The following PKNOX2 variants were observed in gnomAD, a reference collection of about 807,000 sequenced individuals.
PKNOX2 encodes homeobox protein PKNOX2.
A neutral mutation model predicts 53.1 loss-of-function variants in PKNOX2; 14 were observed. The ratio of observed to expected loss-of-function variants is 0.26; its 90% CI spans 0.17 to 0.41. The LOEUF is 0.41. Ranked by LOEUF, PKNOX2 falls within the 10% of genes least tolerant of loss-of-function variation. The pLI is 1.00. For synonymous variants in PKNOX2, 257 were observed against 242.8 expected (o/e 1.06, Z -0.54); for missense variants, 496 against 602.8 (o/e 0.82, Z 1.85).
At chr11:125,279,488 T>C (rs1294833606) in intron 2 of PKNOX2, among the ~76,000 whole-genome samples, 2 of 152,188 alleles carry the variant, frequency 1.3e-5, no homozygotes, top group African/African-American at 4.8e-5. Flanking sequence ...GAGTGAGAGC[T>C]TTACCCCGGC....
At chr11:125,222,586 G>GGTGT (rs767224814) in intron 1 of PKNOX2, among the ~76,000 whole-genome samples, 3 of 142,422 alleles carry the variant, frequency 2.1e-5, no homozygotes, top group Non-Finnish European at 3.1e-5. Flanking sequence ...AGGTGCTCCT[G>GGTGT]GTGTGTGTGT....
chr11:125,236,782 C>T lies in PKNOX2; in HGVS notation c.-130+1667C>T, dbSNP rs4935914. Among the ~76,000 whole-genome samples the T allele has an allele frequency of 4.6e-5, 7 of 152,082 alleles. No homozygotes were observed. In the South Asian group the frequency reaches 6.2e-4, roughly 14 times the overall value. On this transcript the variant is annotated intron_variant, in intron 2 of 12. Coordinates refer to ENST00000298282, the MANE Select transcript of PKNOX2 (RefSeq NM_001382323.2). ...TTGGAGGGAAAGGAAGAAGAGGAGA[C>T]GGGGAGGCAGGCTCAGGGTGATAGG...
chr11:125,271,536 C>T (rs1945790874), intron 2 of PKNOX2, among the ~76,000 whole-genome samples: 1 of 152,222 alleles, frequency 6.6e-6, no homozygotes, highest in South Asian at 2.1e-4. Context: ...TTCATTTGTT[C>T]ATTCAGTATT....
At chr11:125,253,913 A>C (rs976192045) in intron 2 of PKNOX2, among the ~76,000 whole-genome samples, 2 of 152,060 alleles carry the variant, frequency 1.3e-5, no homozygotes, top group Non-Finnish European at 2.9e-5. Flanking sequence ...TGTCAGGAAC[A>C]CACATCTCTC....
intron 2 of PKNOX2, among the ~76,000 whole-genome samples, chr11:125,256,236 C>A (rs1944393212): frequency 6.6e-6 from 1 of 152,040 alleles, no homozygotes; most frequent in Non-Finnish European, 1.5e-5. Context: ...ACCCAAGACA[C>A]AGTTTCCAAG....
At chr11:125,410,738 A>G (rs1645494064) in intron 8 of PKNOX2, 41 bp from the exon 9 acceptor site, 2 of 1,493,002 alleles carry the variant, frequency 1.3e-6, no homozygotes, top group Non-Finnish European at 1.9e-6. Context: ...GCTCCTACCC[A>G]CTCCCATGGC....
intron 6 of PKNOX2, among the ~76,000 whole-genome samples, chr11:125,391,862 G>C (rs1229542445): frequency 6.6e-6 from 1 of 152,204 alleles, no homozygotes; most frequent in Non-Finnish European, 1.5e-5. Flanking sequence ...ACCACATTTG[G>C]CGGTGATGTT....
chr11:125,236,684 T>C (rs1942728008), intron 2 of PKNOX2, among the ~76,000 whole-genome samples: 1 of 152,156 alleles, frequency 6.6e-6, no homozygotes, highest in Non-Finnish European at 1.5e-5. Flanking sequence ...CCCAGGCCTC[T>C]GAAATGGAAA....
At chr11:125,281,327 G>C (rs1349838872) in intron 2 of PKNOX2, among the ~76,000 whole-genome samples, 5 of 152,192 alleles carry the variant, frequency 3.3e-5, no homozygotes, top group Non-Finnish European at 7.3e-5. Flanking sequence ...CCTGGTGGCT[G>C]ACCTGCCATC....
chr11:125,288,979 A>G (rs1281327089), intron 2 of PKNOX2, among the ~76,000 whole-genome samples: 1 of 152,242 alleles, frequency 6.6e-6, no homozygotes, highest in Non-Finnish European at 1.5e-5. Flanking sequence ...CTTCTTGAGA[A>G]AGGGGACCAT....
intron 2 of PKNOX2, among the ~76,000 whole-genome samples, chr11:125,291,254 A>G (rs1295537453): frequency 6.6e-6 from 1 of 152,184 alleles, no homozygotes; most frequent in Non-Finnish European, 1.5e-5. Flanking sequence ...TGCTGCAGGT[A>G]TACAACGGTC....
At chr11:125,243,760 C>T (rs1176760243) in intron 2 of PKNOX2, among the ~76,000 whole-genome samples, 1 of 152,002 alleles carries the variant, frequency 6.6e-6, no homozygotes, top group Middle Eastern at 3.2e-3. Flanking sequence ...GTAGCTGGGA[C>T]TACAGGTGCC....
intron 10 of PKNOX2, among the ~76,000 whole-genome samples, chr11:125,418,732 C>G (rs1332908336): frequency 1.3e-5 from 2 of 152,042 alleles, no homozygotes; most frequent in Non-Finnish European, 2.9e-5. Context: ...TCTATGGGTT[C>G]TGAATCCCTG....
chr11:125,248,660 TTATA>T (rs559719027), intron 2 of PKNOX2, among the ~76,000 whole-genome samples: 122 of 148,688 alleles, frequency 8.2e-4, no homozygotes, highest in African/African-American at 2.9e-3. Context: ...ATGATATGTG[TTATA>T]TATAATACAT....
At chr11:125,410,416 TCCA>T (rs1955437253) in intron 8 of PKNOX2, 91 bp downstream of exon 8, 1 of 1,535,820 alleles carries the variant, frequency 6.5e-7, no homozygotes, top group Non-Finnish European at 8.8e-7. Flanking sequence ...GGGGTTGTCC[TCCA>T]CCGAGGGAGG....
chr11:125,224,169 T>C (rs1695838918), intron 1 of PKNOX2, among the ~76,000 whole-genome samples: 1 of 152,254 alleles, frequency 6.6e-6, no homozygotes, highest in African/African-American at 2.4e-5. Context: ...CAGAGGGTTC[T>C]TCCAGCAAGT....
chr11:125,232,908 T>C (rs538010889), intron 1 of PKNOX2, among the ~76,000 whole-genome samples: 1 of 152,296 alleles, frequency 6.6e-6, no homozygotes, highest in Admixed American at 6.5e-5. Flanking sequence ...CAATACTTTT[T>C]TTAATGTAAG....
At chr11:125,299,847 G>GT (rs1025819315) in intron 2 of PKNOX2, among the ~76,000 whole-genome samples, 8 of 152,176 alleles carry the variant, frequency 5.3e-5, no homozygotes, top group African/African-American at 1.2e-4. Context: ...CGACCGTGGG[G>GT]CTTCCCAAAA....
intron 6 of PKNOX2, among the ~76,000 whole-genome samples, chr11:125,394,462 C>T (rs1231205694): frequency 6.6e-6 from 1 of 152,186 alleles, no homozygotes; most frequent in South Asian, 2.1e-4. Flanking sequence ...TAATTTAGTA[C>T]TCCAAAAACC....
Sources: gnomAD v4.1 joint callset for allele counts (sites outside exome capture counted in the v4.1 genomes callset) on GRCh38, gnomAD v4.1.1 for gene constraint, MANE v1.5 for transcripts, NCBI Gene and HGNC (gene_info 2026-07-23, HGNC 2026-07-21) for gene names.